The following LINGO2 variants were observed in gnomAD, a reference collection of about 807,000 sequenced individuals.
LINGO2 encodes the protein leucine rich repeat and Ig domain containing 2, also known as leucine-rich repeat and immunoglobulin-like domain-containing nogo receptor-interacting protein 2.
In LINGO2, 14 loss-of-function variants were observed where a neutral mutation model predicts 30.6. That is an observed-to-expected ratio of 0.46 (90% confidence interval 0.30 to 0.72). LINGO2 has a LOEUF of 0.72. Ranked by LOEUF, LINGO2 falls within the 30% of genes least tolerant of loss-of-function variation. The pLI, the probability that LINGO2 is intolerant of heterozygous loss-of-function variation, is 0.07. For missense variants in LINGO2, 729 were observed against 751.7 expected, an observed-to-expected ratio of 0.97 and a Z score of 0.35; for synonymous variants, 317 against 288.5, an observed-to-expected ratio of 1.10 and a Z score of -1.00.
chr9:28,149,547 C>T (rs1450586636), intron 4 of LINGO2, among the ~76,000 whole-genome samples: 1 of 138,352 alleles, frequency 7.2e-6, no homozygotes, highest in Non-Finnish European at 1.6e-5. Context: ...CTGCCCGGGC[C>T]CTGCCCCGTC....
the LINGO2 span, among the ~76,000 whole-genome samples, chr9:29,127,961 CT>C: frequency 1.3e-5 from 2 of 152,086 alleles, no homozygotes; most frequent in African/African-American, 2.4e-5. Context: ...CCTACTCAAT[CT>C]TTTCAATTGG....
At chr9:28,095,073 C>A (rs1826206198) in intron 4 of LINGO2, among the ~76,000 whole-genome samples, 1 of 152,100 alleles carries the variant, frequency 6.6e-6, no homozygotes, top group Non-Finnish European at 1.5e-5. Flanking sequence ...TATGTCTGAA[C>A]TCCAAAATTT....
the LINGO2 span, among the ~76,000 whole-genome samples, chr9:29,138,509 T>C: frequency 2.6e-4 from 39 of 152,192 alleles, no homozygotes; most frequent in African/African-American, 9.4e-4. Flanking sequence ...TTACTTTACT[T>C]TTCTATATTT....
chr9:28,151,581 C>T (rs554780614), intron 4 of LINGO2, among the ~76,000 whole-genome samples: 25 of 150,912 alleles, frequency 1.7e-4, no homozygotes, highest in Admixed American at 1.2e-3. Context: ...GATGTGCTGA[C>T]GAATATAATT....
intron 2 of LINGO2, among the ~76,000 whole-genome samples, chr9:28,397,832 C>A (rs1456624839): frequency 6.6e-6 from 1 of 152,100 alleles, no homozygotes; most frequent in African/African-American, 2.4e-5. Context: ...CAGGCGTGAG[C>A]CACCATACCC....
At chr9:28,286,947 C>T (rs557719173) in intron 4 of LINGO2, among the ~76,000 whole-genome samples, 1 of 151,970 alleles carries the variant, frequency 6.6e-6, no homozygotes, top group African/African-American at 2.4e-5. Context: ...GCACTTGTAC[C>T]CCTGAACTTA....
At chr9:28,686,782 C>A in the LINGO2 span, among the ~76,000 whole-genome samples, 4 of 152,018 alleles carry the variant, frequency 2.6e-5, no homozygotes, top group Non-Finnish European at 5.9e-5. Flanking sequence ...CATTTCAGCT[C>A]TTGTTTCCTT....
intron 1 of LINGO2, among the ~76,000 whole-genome samples, chr9:28,644,310 G>A (rs1261482107): frequency 6.6e-6 from 1 of 152,026 alleles, no homozygotes; most frequent in African/African-American, 2.4e-5. Flanking sequence ...CAATGGATGA[G>A]TGGATAAAGA....
chr9:28,289,723 T>C (rs546921819), intron 4 of LINGO2, among the ~76,000 whole-genome samples: 1 of 152,326 alleles, frequency 6.6e-6, no homozygotes, highest in South Asian at 2.1e-4. Context: ...TGACCTCTAA[T>C]GGACTAAATA....
intron 1 of LINGO2, among the ~76,000 whole-genome samples, chr9:28,597,325 G>A (rs1825234127): frequency 6.6e-6 from 1 of 152,138 alleles, no homozygotes; most frequent in African/African-American, 2.4e-5. Context: ...AATGGAGTTT[G>A]TTAACCAGAA....
At chr9:29,176,630 C>T in the LINGO2 span, among the ~76,000 whole-genome samples, 2 of 152,156 alleles carry the variant, frequency 1.3e-5, no homozygotes, top group Non-Finnish European at 2.9e-5. Flanking sequence ...TAATTACATT[C>T]TGTGCAGGAA....
intron 1 of LINGO2, among the ~76,000 whole-genome samples, chr9:28,631,134 T>C: frequency 6.6e-6 from 1 of 152,162 alleles, no homozygotes; most frequent in Admixed American, 6.5e-5. Context: ...TATTTATTTA[T>C]TTATTGCTTT....
the LINGO2 span, among the ~76,000 whole-genome samples, chr9:28,759,660 C>A: frequency 6.7e-6 from 1 of 149,134 alleles, no homozygotes; most frequent in African/African-American, 2.5e-5. Flanking sequence ...CCAGCCTGGG[C>A]GATAGAGCAA....
chr9:28,821,832 G>C, the LINGO2 span, among the ~76,000 whole-genome samples: 1 of 152,126 alleles, frequency 6.6e-6, no homozygotes, highest in Non-Finnish European at 1.5e-5. Context: ...AAGAGCAGTA[G>C]TTTAGAATTA....
intron 1 of LINGO2, among the ~76,000 whole-genome samples, chr9:28,654,062 A>G (rs1487714733): frequency 1.3e-5 from 2 of 152,164 alleles, no homozygotes; most frequent in African/African-American, 4.8e-5. Context: ...GACTATGTAT[A>G]TAATGACTTG....
chr9:28,120,380 T>C (rs1027135393), intron 4 of LINGO2, among the ~76,000 whole-genome samples: 1 of 152,224 alleles, frequency 6.6e-6, no homozygotes, highest in Non-Finnish European at 1.5e-5. Context: ...ACAATCTGAA[T>C]GAAGGAGCTC....
At chr9:29,076,053 T>C in the LINGO2 span, among the ~76,000 whole-genome samples, 1 of 151,882 alleles carries the variant, frequency 6.6e-6, no homozygotes, top group South Asian at 2.1e-4. Context: ...TAATTTTCGT[T>C]GTTTTTGTAG....
chr9:28,144,620 C>T (rs747769737), intron 4 of LINGO2, among the ~76,000 whole-genome samples: 16 of 152,082 alleles, frequency 1.1e-4, no homozygotes, highest in Non-Finnish European at 1.5e-5. Flanking sequence ...CAGTTCAGTT[C>T]CCTAAGAAAG....
chr9:29,078,433 T>G, the LINGO2 span, among the ~76,000 whole-genome samples: 1 of 152,000 alleles, frequency 6.6e-6, no homozygotes, highest in Admixed American at 6.6e-5. Flanking sequence ...TGAAATGTCT[T>G]AAGCCTGAAA....
Sources: allele counts gnomAD v4.1 joint callset (sites outside exome capture counted in the v4.1 genomes callset), GRCh38; gene constraint gnomAD v4.1.1; transcripts MANE v1.5; gene names NCBI Gene and HGNC (gene_info 2026-07-23, HGNC 2026-07-21).